CSMD3: variants seen among roughly 807,000 people sequenced by gnomAD.
The protein encoded by CSMD3 is CUB and sushi domain-containing protein 3.
In CSMD3, 177 loss-of-function variants were observed where a neutral mutation model predicts 435.2. The ratio of observed to expected loss-of-function variants is 0.41; its 90% CI spans 0.36 to 0.46. The LOEUF is 0.46. Among genes scored for constraint, CSMD3 ranks in the 20% least tolerant of loss-of-function variants. CSMD3 has a pLI of 0.34. For synonymous variants in CSMD3, 1,656 were observed against 1,520.5 expected, an observed-to-expected ratio of 1.09 and a Z score of -2.07; for missense variants, 4,265 against 4,504.6, an observed-to-expected ratio of 0.95 and a Z score of 1.52.
intron 13 of CSMD3, among the ~76,000 whole-genome samples, chr8:112,794,122 T>C (rs2078762073): frequency 1.3e-5 from 2 of 152,126 alleles, no homozygotes; most frequent in South Asian, 2.1e-4. Context: ...TCTTTCTTTC[T>C]ATTCATTGGT....
intron 3 of CSMD3, among the ~76,000 whole-genome samples, chr8:113,249,006 G>A (rs1014640701): frequency 2.6e-5 from 4 of 151,972 alleles, no homozygotes; most frequent in African/African-American, 7.2e-5. Context: ...TAATCCCCAC[G>A]TGTCAAGGGT....
At chr8:113,183,535 G>C (rs1000508688) in intron 3 of CSMD3, among the ~76,000 whole-genome samples, 1 of 151,882 alleles carries the variant, frequency 6.6e-6, no homozygotes, top group African/African-American at 2.4e-5. Context: ...TTGGCCCCAA[G>C]GCTGCCTTCC....
chr8:112,386,405 A>G (rs1352943751), intron 36 of CSMD3, among the ~76,000 whole-genome samples: 1 of 152,140 alleles, frequency 6.6e-6, no homozygotes, highest in Non-Finnish European at 1.5e-5. Flanking sequence ...TTTGGCCAGA[A>G]GAACTGGCAG....
At chr8:112,288,992 T>C (rs1233967594) in intron 57 of CSMD3, among the ~76,000 whole-genome samples, 13 of 152,076 alleles carry the variant, frequency 8.5e-5, no homozygotes, top group Non-Finnish European at 1.5e-5. Flanking sequence ...ACTGATACAA[T>C]ATTGCCTTCT....
chr8:113,216,721 A>G (rs2092910398), intron 3 of CSMD3, among the ~76,000 whole-genome samples: 1 of 151,934 alleles, frequency 6.6e-6, no homozygotes, highest in African/African-American at 2.4e-5. Context: ...TCGTTGGCAT[A>G]TGGAGATGGT....
intron 47 of CSMD3, among the ~76,000 whole-genome samples, chr8:112,316,015 G>A (rs537282416): frequency 6.6e-6 from 1 of 151,868 alleles, no homozygotes; most frequent in Non-Finnish European, 1.5e-5. Flanking sequence ...GAGTTATAAA[G>A]TCTCCAACAA....
chr8:112,925,552 CA>C (rs112849223), intron 9 of CSMD3, among the ~76,000 whole-genome samples: 1,650 of 145,586 alleles, frequency 0.011, 32 homozygotes, highest in African/African-American at 0.039. Context: ...GACGCCATCT[CA>C]AAAAAAAAAA....
At chr8:112,660,742 T>C (rs113697374) in intron 17 of CSMD3, among the ~76,000 whole-genome samples, 265 of 152,340 alleles carry the variant, frequency 1.7e-3, no homozygotes, top group African/African-American at 6.3e-3. Context: ...AAATATGTGA[T>C]ATAAATGTGC....
chr8:112,596,737 G>C (rs1478743442), intron 22 of CSMD3, among the ~76,000 whole-genome samples: 2 of 152,088 alleles, frequency 1.3e-5, no homozygotes, highest in Non-Finnish European at 2.9e-5. Flanking sequence ...CAACTAGATG[G>C]AAACTGAACA....
At chr8:112,689,832 C>T in intron 14 of CSMD3, 36 bp downstream of exon 14, 19 of 1,572,560 alleles carry the variant, frequency 1.2e-5, no homozygotes, top group Non-Finnish European at 1.7e-5. Flanking sequence ...GACAGGGTAA[C>T]ATATGCTATC....
intron 13 of CSMD3, among the ~76,000 whole-genome samples, chr8:112,798,458 C>T (rs2078879682): frequency 6.6e-6 from 1 of 151,744 alleles, no homozygotes; most frequent in African/African-American, 2.4e-5. Context: ...GGGAGAGACA[C>T]TTCCAGTCTA....
chr8:112,423,174 T>TATA (rs1812699772), intron 32 of CSMD3, among the ~76,000 whole-genome samples: 1 of 152,060 alleles, frequency 6.6e-6, no homozygotes, highest in Non-Finnish European at 1.5e-5. Context: ...TCTTAAACAA[T>TATA]ATCATCCATA....
chr8:112,751,624 T>C (rs1189775665), intron 13 of CSMD3, among the ~76,000 whole-genome samples: 3 of 145,618 alleles, frequency 2.1e-5, no homozygotes, highest in Non-Finnish European at 4.6e-5. Flanking sequence ...AATAAGAAGT[T>C]TAGGTTTTTT....
intron 4 of CSMD3, among the ~76,000 whole-genome samples, chr8:113,170,072 C>T (rs918626617): frequency 6.6e-6 from 1 of 152,094 alleles, no homozygotes; most frequent in African/African-American, 2.4e-5. Context: ...GAACTCTCTA[C>T]AAGCAAAGGT....
At chr8:112,588,824 T>C (rs1830943108) in intron 22 of CSMD3, among the ~76,000 whole-genome samples, 1 of 152,080 alleles carries the variant, frequency 6.6e-6, no homozygotes, top group Non-Finnish European at 1.5e-5. Context: ...GAAACTTTCA[T>C]CCATATAGTG....
intron 22 of CSMD3, among the ~76,000 whole-genome samples, chr8:112,601,519 A>G (rs1832348725): frequency 6.6e-6 from 1 of 152,222 alleles, no homozygotes; most frequent in Non-Finnish European, 1.5e-5. Flanking sequence ...ACTATACTAC[A>G]AAGCAAAAGG....
At chr8:112,445,299 G>C (rs1299387225) in intron 32 of CSMD3, among the ~76,000 whole-genome samples, 1 of 151,996 alleles carries the variant, frequency 6.6e-6, no homozygotes, top group Admixed American at 6.6e-5. Flanking sequence ...AGAAATTTTT[G>C]CTCCATTTTT....
chr8:113,080,126 A>G (rs932754468), intron 5 of CSMD3, among the ~76,000 whole-genome samples: 6 of 152,172 alleles, frequency 3.9e-5, no homozygotes, highest in African/African-American at 1.4e-4. Context: ...TCTCTGGAAC[A>G]TATACTGAGT....
intron 22 of CSMD3, among the ~76,000 whole-genome samples, chr8:112,599,113 C>T (rs2131405829): frequency 6.8e-6 from 1 of 147,512 alleles, no homozygotes; most frequent in African/African-American, 2.5e-5. Context: ...TTTTCGCAAC[C>T]TACTCATCTG....
Sources: gnomAD v4.1 joint callset for allele counts (sites outside exome capture counted in the v4.1 genomes callset) on GRCh38, gnomAD v4.1.1 for gene constraint, MANE v1.5 for transcripts, NCBI Gene and HGNC (gene_info 2026-07-23, HGNC 2026-07-21) for gene names.